TMEM181: variants seen among roughly 807,000 people sequenced by gnomAD.
TMEM181 encodes G protein-coupled receptor 178.
A neutral mutation model predicts 71.9 loss-of-function variants in TMEM181; 39 were observed. The ratio of observed to expected loss-of-function variants is 0.54; its 90% CI spans 0.42 to 0.71. The LOEUF (loss-of-function observed/expected upper bound fraction) is 0.71, where lower values mean the gene tolerates loss of function less well. Among genes scored for constraint, TMEM181 ranks in the 30% least tolerant of loss-of-function variants. The pLI is 0.00. For synonymous variants in TMEM181, 245 were observed against 228.8 expected (o/e 1.07, Z -0.64); for missense variants, 595 against 583.0 (o/e 1.02, Z -0.21).
chr6:158,569,894 G>C (rs1435019755), intron 1 of TMEM181, among the ~76,000 whole-genome samples: 1 of 151,998 alleles, frequency 6.6e-6, no homozygotes, highest in African/African-American at 2.4e-5. Flanking sequence ...GTGAGCCACC[G>C]CACCCAGCCT....
At chr6:158,565,769 C>G (rs1390942805) in intron 1 of TMEM181, among the ~76,000 whole-genome samples, 1 of 152,078 alleles carries the variant, frequency 6.6e-6, no homozygotes, top group Non-Finnish European at 1.5e-5. Flanking sequence ...CACAGTGGAG[C>G]CCCTGCAATG....
At chr6:158,598,241 C>G (rs1326109655) in intron 6 of TMEM181, among the ~76,000 whole-genome samples, 2 of 152,220 alleles carry the variant, frequency 1.3e-5, no homozygotes, top group Non-Finnish European at 2.9e-5. Flanking sequence ...ATGCGTCATC[C>G]TCAGCACCCT....
At chr6:158,621,270 T>C (rs1785937697) in intron 10 of TMEM181, 1 of 152,326 alleles carries the variant, frequency 6.6e-6, no homozygotes, top group Non-Finnish European at 1.5e-5. Flanking sequence ...TATCTGCTCT[T>C]TCTGGCTGCT....
At chr6:158,593,273 T>C (rs1161982983) in intron 6 of TMEM181, among the ~76,000 whole-genome samples, 2 of 152,246 alleles carry the variant, frequency 1.3e-5, no homozygotes, top group African/African-American at 4.8e-5. Context: ...ACAAACTATA[T>C]ATACTGATTT....
At chr6:158,569,638 TCG>T (rs1782695793) in intron 1 of TMEM181, among the ~76,000 whole-genome samples, 1 of 151,310 alleles carries the variant, frequency 6.6e-6, no homozygotes, top group African/African-American at 2.4e-5. Context: ...TCTTGCTCTG[TCG>T]CCCAGGCTGG....
intron 1 of TMEM181, among the ~76,000 whole-genome samples, chr6:158,548,509 C>T (rs2128280316): frequency 6.6e-6 from 1 of 152,338 alleles, no homozygotes; most frequent in East Asian, 1.9e-4. Flanking sequence ...TGGAAAGTCT[C>T]AGGCAAACCA....
At chr6:158,610,576 C>G in intron 10 of TMEM181, 1 of 427,190 alleles carries the variant, frequency 2.3e-6, no homozygotes, top group Admixed American at 4.2e-5. Context: ...GACACAGAGG[C>G]ATCTCCTCTT....
upstream of TMEM181, among the ~76,000 whole-genome samples, chr6:158,558,153 C>T (rs1036566997): frequency 6.6e-6 from 1 of 152,112 alleles, no homozygotes; most frequent in South Asian, 2.1e-4. Context: ...GCCAGGGGTC[C>T]TCGGGGTGGT....
In TMEM181 at chr6:158,583,938, G is replaced by T. The variant is rs751671949; in HGVS notation, c.169-16G>T. On this transcript the variant is annotated splice_polypyrimidine_tract_variant and intron_variant, in intron 3 of 16. Coordinates refer to ENST00000684151, the MANE Select transcript of TMEM181 (RefSeq NM_001376852.1). ...ATGAAAAGGTCACATGGATTACTTTGTTTTTTTTTCTTCAGCTAAAGCCAA... is the reference window on the plus strand; with the variant it reads ...ATGAAAAGGTCACATGGATTACTTTTTTTTTTTTTCTTCAGCTAAAGCCAA... 189 of 1,509,420 alleles carry T rather than the reference G, an allele frequency of 1.3e-4. No individual in the cohort carries two copies. The highest frequency in any genetic ancestry group is 1.6e-4 in the Non-Finnish European group (178 of 1,106,922). The allele number at this position is 1,509,420 out of a possible 1,614,324, so 93.5% of individuals were successfully genotyped here. A position where few individuals can be genotyped will look rare whatever the true frequency, so the allele number is the denominator to read the frequency against.
chr6:158,578,247 C>T (rs765372971), intron 2 of TMEM181, among the ~76,000 whole-genome samples: 6 of 152,168 alleles, frequency 3.9e-5, no homozygotes, highest in African/African-American at 1.2e-4. Context: ...GTGAGTCCTG[C>T]AGGTTGAAAT....
At chr6:158,622,212 TAACC>T (rs1786002891) in intron 10 of TMEM181, among the ~76,000 whole-genome samples, 1 of 152,368 alleles carries the variant, frequency 6.6e-6, no homozygotes, top group South Asian at 2.1e-4. Flanking sequence ...AGGCTAATAA[TAACC>T]AATAAAATAG....
upstream of TMEM181, among the ~76,000 whole-genome samples, chr6:158,556,965 C>CAAA (rs1781911710): frequency 6.6e-6 from 1 of 152,134 alleles, no homozygotes; most frequent in South Asian, 2.1e-4. Flanking sequence ...GTCTCAAACT[C>CAAA]CTGAGCTCAA....
At chr6:158,551,883 G>C (rs1348077557) in intron 1 of TMEM181, among the ~76,000 whole-genome samples, 1 of 152,144 alleles carries the variant, frequency 6.6e-6, no homozygotes, top group Non-Finnish European at 1.5e-5. Flanking sequence ...ACTATGAGAT[G>C]ATATGACAGA....
Position 158,632,176 on chromosome 6 carries a change from C to T in TMEM181, c.*288C>T, listed in dbSNP as rs1219076338. ...TGTTTTCAGTGATGAGGAAATTTCA[C>T]GTTTTTAGTACAGTGAATTATGTAC... On this transcript the variant is annotated 3_prime_UTR_variant, in exon 17 of 17. Coordinates refer to ENST00000684151, the MANE Select transcript of TMEM181 (RefSeq NM_001376852.1). 1.9e-5 allele frequency: 8 copies of T among 423,702 alleles called. No homozygotes were observed. The highest frequency in any genetic ancestry group is 6.0e-5 in the African/African-American group (3 of 50,136). The allele number at this position is 423,702 out of a possible 1,614,324, so 26.2% of individuals were successfully genotyped here.
chr6:158,588,774 G>A (rs759393914), intron 5 of TMEM181, among the ~76,000 whole-genome samples: 6 of 152,218 alleles, frequency 3.9e-5, no homozygotes, highest in Non-Finnish European at 7.3e-5. Flanking sequence ...TAAGCCTGCT[G>A]TGTAAAACCC....
chr6:158,617,793 T>TG (rs1785703164), intron 10 of TMEM181, among the ~76,000 whole-genome samples: 2 of 152,334 alleles, frequency 1.3e-5, no homozygotes, highest in South Asian at 4.1e-4. Context: ...AGGTTTTGAG[T>TG]GAGTTTCTTA....
intron 3 of TMEM181, among the ~76,000 whole-genome samples, chr6:158,582,241 T>C (rs1783523225): frequency 6.6e-6 from 1 of 152,200 alleles, no homozygotes; most frequent in Non-Finnish European, 1.5e-5. Flanking sequence ...GTTCATCTTT[T>C]ACAGTTTCTG....
At chr6:158,597,986 T>C (rs986219941) in intron 6 of TMEM181, among the ~76,000 whole-genome samples, 3 of 152,208 alleles carry the variant, frequency 2.0e-5, no homozygotes, top group Non-Finnish European at 4.4e-5. Context: ...ATCCCTCTTG[T>C]ATCAGCTCTT....
At chr6:158,580,665 T>A (rs1473384529) in intron 2 of TMEM181, among the ~76,000 whole-genome samples, 1 of 152,194 alleles carries the variant, frequency 6.6e-6, no homozygotes, top group African/African-American at 2.4e-5. Context: ...ATTGAGAGCC[T>A]AGCAGGGTGT....
Sources: gnomAD v4.1 joint callset for allele counts (sites outside exome capture counted in the v4.1 genomes callset) on GRCh38, gnomAD v4.1.1 for gene constraint, MANE v1.5 for transcripts, NCBI Gene and HGNC (gene_info 2026-07-23, HGNC 2026-07-21) for gene names.